The following SLC24A3 variants were observed in gnomAD, a reference collection of about 807,000 sequenced individuals.
The protein encoded by SLC24A3 is sodium/potassium/calcium exchanger 3.
Under a neutral mutation model 75.8 loss-of-function variants are expected in SLC24A3, and 28 were observed. The ratio of observed to expected loss-of-function variants is 0.37; its 90% CI spans 0.27 to 0.51. The LOEUF is 0.51. SLC24A3 is among the 20% of genes least tolerant of loss of function. SLC24A3 has a pLI of 0.94. For synonymous variants in SLC24A3, 372 were observed against 334.1 expected (o/e 1.11, Z -1.24); for missense variants, 663 against 847.8 (o/e 0.78, Z 2.71).
At chr20:19,345,263 C>CA (rs1337613989) in intron 2 of SLC24A3, among the ~76,000 whole-genome samples, 1 of 151,760 alleles carries the variant, frequency 6.6e-6, no homozygotes, top group African/African-American at 2.4e-5. Flanking sequence ...TGAAAGAAAT[C>CA]AAAAAAAGAA....
At chr20:19,467,291 A>G (rs1987782667) in intron 2 of SLC24A3, among the ~76,000 whole-genome samples, 1 of 152,246 alleles carries the variant, frequency 6.6e-6, no homozygotes, top group African/African-American at 2.4e-5. Flanking sequence ...TGATTGGGAC[A>G]GAATCGCAGA....
intron 2 of SLC24A3, among the ~76,000 whole-genome samples, chr20:19,320,582 C>T (rs1984685132): frequency 6.6e-6 from 1 of 152,094 alleles, no homozygotes; most frequent in African/African-American, 2.4e-5. Flanking sequence ...TGGACACACA[C>T]ATGCATGTTA....
intron 3 of SLC24A3, among the ~76,000 whole-genome samples, chr20:19,551,848 A>C (rs1315292834): frequency 6.6e-6 from 1 of 152,186 alleles, no homozygotes; most frequent in Admixed American, 6.5e-5. Context: ...AGGACCAGGC[A>C]GGCTGCTCTC....
At chr20:19,307,202 G>C (rs1302111184) in intron 2 of SLC24A3, among the ~76,000 whole-genome samples, 2 of 152,190 alleles carry the variant, frequency 1.3e-5, no homozygotes, top group Admixed American at 6.5e-5. Flanking sequence ...ACATTACTGT[G>C]TTATCATGAA....
intron 2 of SLC24A3, among the ~76,000 whole-genome samples, chr20:19,420,856 A>G (rs1005558795): frequency 4.8e-5 from 2 of 41,730 alleles, no homozygotes; most frequent in Admixed American, 2.8e-4. Flanking sequence ...ATATAGATCA[A>G]TGGAACAGAA....
At chr20:19,680,306 C>A (rs1205354579) in intron 9 of SLC24A3, among the ~76,000 whole-genome samples, 1 of 152,214 alleles carries the variant, frequency 6.6e-6, no homozygotes, top group East Asian at 1.9e-4. Flanking sequence ...GTGGTGCAAT[C>A]TGTTCCCTTG....
chr20:19,303,948 A>G (rs1984260980), intron 2 of SLC24A3, among the ~76,000 whole-genome samples: 1 of 152,158 alleles, frequency 6.6e-6, no homozygotes, highest in Non-Finnish European at 1.5e-5. Flanking sequence ...AACCACCTTG[A>G]GGTTGGCCCG....
At chr20:19,639,975 G>T (rs1053331296) in intron 6 of SLC24A3, among the ~76,000 whole-genome samples, 1 of 152,242 alleles carries the variant, frequency 6.6e-6, no homozygotes, top group East Asian at 1.9e-4. Flanking sequence ...CAGCTGGCCC[G>T]CAAGCGCGGA....
At chr20:19,609,498 T>C (rs1051800588) in intron 6 of SLC24A3, among the ~76,000 whole-genome samples, 2 of 152,168 alleles carry the variant, frequency 1.3e-5, no homozygotes, top group Non-Finnish European at 2.9e-5. Context: ...GGTTTGCTGC[T>C]ATCAACCTGT....
At chr20:19,716,826 A>T (rs185124956) in intron 15 of SLC24A3, among the ~76,000 whole-genome samples, 1 of 152,222 alleles carries the variant, frequency 6.6e-6, no homozygotes, top group East Asian at 1.9e-4. Flanking sequence ...GTGAGCCAAG[A>T]TCACACCACT....
rs12624698 is a variant in SLC24A3, at chr20:19,527,592, G to A, written c.348+12028G>A. ...ATGAGGCAGGAGAGAGCAAGATGAA[G>A]TAAGAACACACAAGTCTCTTATGCC... On this transcript the variant is annotated intron_variant, in intron 3 of 16. Transcript: ENST00000328041. Among the ~76,000 whole-genome samples the A allele has an allele frequency of 4.7e-3, 714 of 152,296 alleles. 10 individuals are homozygous for A. Among genetic ancestry groups the A allele is most frequent in the Admixed American group, 0.033 (499 of 15,284 alleles).
At chr20:19,325,208 A>T (rs1984810414) in intron 2 of SLC24A3, among the ~76,000 whole-genome samples, 1 of 151,914 alleles carries the variant, frequency 6.6e-6, no homozygotes, top group Non-Finnish European at 1.5e-5. Context: ...CAAGGGGATC[A>T]CTTGAGGCCA....
chr20:19,525,551 G>A (rs1045069511), intron 3 of SLC24A3, among the ~76,000 whole-genome samples: 2 of 152,142 alleles, frequency 1.3e-5, no homozygotes, highest in African/African-American at 4.8e-5. Context: ...AAGCAGGGCA[G>A]GGGAGGAGGG....
At chr20:19,462,817 G>C (rs752150055) in intron 2 of SLC24A3, among the ~76,000 whole-genome samples, 1 of 152,174 alleles carries the variant, frequency 6.6e-6, no homozygotes, top group Non-Finnish European at 1.5e-5. Context: ...ATAGACCCCA[G>C]CCCTGCCTTC....
intron 2 of SLC24A3, among the ~76,000 whole-genome samples, chr20:19,291,128 TA>T (rs61185867): frequency 0.059 from 9,050 of 152,260 alleles, 598 homozygotes; most frequent in African/African-American, 0.17. Flanking sequence ...CTGGCCGAGG[TA>T]ACAGGGCGAG....
intron 6 of SLC24A3, among the ~76,000 whole-genome samples, chr20:19,587,344 C>T (rs947906080): frequency 6.6e-6 from 1 of 152,102 alleles, no homozygotes; most frequent in African/African-American, 2.4e-5. Context: ...GCGGTTCATC[C>T]CAGCTTGGTT....
chr20:19,633,953 T>G (rs1234425078), intron 6 of SLC24A3, among the ~76,000 whole-genome samples: 2 of 152,184 alleles, frequency 1.3e-5, no homozygotes, highest in Non-Finnish European at 2.9e-5. Context: ...TGTTACTGTT[T>G]GTAAAGGAAG....
chr20:19,663,433 C>G (rs2032357265), intron 7 of SLC24A3, among the ~76,000 whole-genome samples: 1 of 75,070 alleles, frequency 1.3e-5, no homozygotes, highest in African/African-American at 8.6e-5. Context: ...TCCTCCTCCT[C>G]CGCCTTCTCA....
intron 2 of SLC24A3, among the ~76,000 whole-genome samples, chr20:19,328,641 C>T (rs573932702): frequency 5.9e-5 from 9 of 152,062 alleles, no homozygotes; most frequent in Admixed American, 3.3e-4. Context: ...AGGTGAGGGG[C>T]GGGTGGAGTG....
Sources: allele counts gnomAD v4.1 joint callset (sites outside exome capture counted in the v4.1 genomes callset), GRCh38; gene constraint gnomAD v4.1.1; transcripts MANE v1.5; gene names NCBI Gene and HGNC (gene_info 2026-07-23, HGNC 2026-07-21).